The following NRG2 variants were observed in gnomAD, a reference collection of about 807,000 sequenced individuals.
The protein encoded by NRG2 is neuregulin 2.
Under a neutral mutation model 73.9 loss-of-function variants are expected in NRG2, and 27 were observed. The observed-to-expected ratio is 0.37, with a 90% CI of 0.27 to 0.50. The LOEUF (loss-of-function observed/expected upper bound fraction) is 0.50. Among genes scored for constraint, NRG2 ranks in the 20% least tolerant of loss-of-function variants. NRG2 has a pLI of 0.96. For missense variants in NRG2, 1,126 were observed against 1,210.1 expected, an observed-to-expected ratio of 0.93 and a Z score of 1.03; for synonymous variants, 532 against 541.0, an observed-to-expected ratio of 0.98 and a Z score of 0.23.
chr5:139,992,721 CA>C (rs1372802803), intron 1 of NRG2, among the ~76,000 whole-genome samples: 2 of 152,066 alleles, frequency 1.3e-5, no homozygotes. Flanking sequence ...TATTCTAAGC[CA>C]AACACCTTTG....
At chr5:140,028,308 TATA>T (rs1394142817) in intron 1 of NRG2, among the ~76,000 whole-genome samples, 9 of 152,358 alleles carry the variant, frequency 5.9e-5, no homozygotes, top group Admixed American at 1.3e-4. Flanking sequence ...TTTCTTGTAT[TATA>T]ATAAGTCTGA....
At position 139,847,940 on chromosome 5, in the gene NRG2, T is replaced by TGGCCCGCGGGGGC; in HGVS notation, c.2517_2529dup (p.Lys844AlafsTer56). On this transcript the variant is annotated frameshift_variant, in exon 10 of 10. Transcript: ENST00000361474. LOFTEE classifies it high-confidence loss of function. Reference sequence around the variant, plus strand: ...CCCTAGAGTGGCGCCGAGTCCTGCTTGGCCCGCGGGGGCGGCCCGCGGCTG... The same window carrying TGGCCCGCGGGGGC: ...CCCTAGAGTGGCGCCGAGTCCTGCTTGGCCCGCGGGGGCGGCCCGCGGGGGCGGCCCGCGGCTG... 2.7e-6 allele frequency: 4 copies of TGGCCCGCGGGGGC among 1,499,194 alleles called. No individual in the cohort carries two copies. Among genetic ancestry groups the TGGCCCGCGGGGGC allele is most frequent in the Non-Finnish European group, 3.5e-6 (4 of 1,129,844 alleles). 92.9% of individuals were successfully genotyped at this position (1,499,194 alleles called of 1,614,324 possible).
chr5:139,865,682 A>T lies in NRG2; in HGVS notation c.1113-57T>A. 1 of 1,469,576 alleles carries T rather than the reference A, an allele frequency of 6.8e-7. No homozygotes were observed. Among genetic ancestry groups the T allele is most frequent in the Non-Finnish European group, 9.4e-7 (1 of 1,064,850 alleles). 91.0% of individuals were successfully genotyped at this position (1,469,576 alleles called of 1,614,324 possible). On this transcript the variant is annotated intron_variant, in intron 4 of 9. Coordinates refer to ENST00000361474, the MANE Select transcript of NRG2 (RefSeq NM_004883.3). The surrounding 1 kb of genome is among the most constrained non-coding windows in gnomAD (Gnocchi z 5.2). ...CAAACTGGCATCATCCGCGAGGCTA[A>T]GGTTAGAAATCAAAGTGCACAGTGA...
At chr5:139,885,931 A>G (rs1054247271) in intron 2 of NRG2, among the ~76,000 whole-genome samples, 4 of 152,112 alleles carry the variant, frequency 2.6e-5, no homozygotes, top group African/African-American at 9.7e-5. Flanking sequence ...CCCCAGCTCC[A>G]AGAAGCCTGC....
At chr5:140,009,920 T>C (rs1355336292) in intron 1 of NRG2, among the ~76,000 whole-genome samples, 1 of 152,098 alleles carries the variant, frequency 6.6e-6, no homozygotes, top group African/African-American at 2.4e-5. Context: ...CTATGAAAAC[T>C]ATAAAAAGAT....
intron 4 of NRG2, among the ~76,000 whole-genome samples, chr5:139,871,477 C>A (rs1762845333): frequency 6.6e-6 from 1 of 152,106 alleles, no homozygotes; most frequent in South Asian, 2.1e-4. Flanking sequence ...AAAGGGTAGA[C>A]ATCAGGAGAT....
At chr5:139,991,004 G>A (rs756400155) in intron 1 of NRG2, among the ~76,000 whole-genome samples, 4 of 151,974 alleles carry the variant, frequency 2.6e-5, no homozygotes, top group Admixed American at 1.3e-4. Flanking sequence ...AGCAGGGCGC[G>A]GTGGCTCATG....
chr5:139,865,327 C>A lies in NRG2; in HGVS notation c.1189+222G>T. 1 of 765,194 alleles carries A rather than the reference C, an allele frequency of 1.3e-6. No homozygotes were observed. The allele number at this position is 765,194 out of a possible 1,614,324, so 47.4% of individuals were successfully genotyped here. Reference sequence around the variant, plus strand: ...GCCACTCTGCCCCTTACCTGCAGCCCTGAACTTTAAACCCAAGGATTAGGC... The same window carrying A: ...GCCACTCTGCCCCTTACCTGCAGCCATGAACTTTAAACCCAAGGATTAGGC... On this transcript the variant is annotated intron_variant, in intron 5 of 9. Transcript: ENST00000361474. This position sits in a 1 kb window ranked among gnomAD's most constrained non-coding sequence, Gnocchi z 5.2.
chr5:140,001,091 G>A (rs956835832), intron 1 of NRG2, among the ~76,000 whole-genome samples: 5 of 152,090 alleles, frequency 3.3e-5, no homozygotes, highest in African/African-American at 1.2e-4. Context: ...CCTGTGACAC[G>A]AAGCCTGCTG....
At chr5:139,961,277 G>A (rs568160350) in intron 1 of NRG2, among the ~76,000 whole-genome samples, 3 of 152,220 alleles carry the variant, frequency 2.0e-5, no homozygotes, top group African/African-American at 7.2e-5. Flanking sequence ...CCATGATCTA[G>A]GTTTCGGCAG....
At position 139,901,993 on chromosome 5, in the gene NRG2, T is replaced by C. The variant is rs567067017; in HGVS notation, c.701-14482A>G. Among the ~76,000 whole-genome samples the C allele has an allele frequency of 7.9e-5, 12 of 152,316 alleles. No homozygotes were observed. In the East Asian group the frequency reaches 1.9e-3, roughly 24 times the overall value. ...AGGCTTACGCTCTGCCCTTCTCATA[T>C]AGAAGGTGAGGGCTGAGCGTAGACT... On this transcript the variant is annotated intron_variant, in intron 1 of 9. Transcript: ENST00000361474.
At chr5:139,863,932 T>A (rs931409379) in intron 5 of NRG2, among the ~76,000 whole-genome samples, 8 of 152,176 alleles carry the variant, frequency 5.3e-5, no homozygotes, top group Admixed American at 5.2e-4. Context: ...TGCTGTGGTC[T>A]GAGGAGTACT....
At chr5:139,921,290 C>T (rs528279044) in intron 1 of NRG2, among the ~76,000 whole-genome samples, 73 of 152,220 alleles carry the variant, frequency 4.8e-4, no homozygotes, top group Non-Finnish European at 8.8e-4. Context: ...TCAAGAATAG[C>T]CAACTCAATA....
intron 1 of NRG2, among the ~76,000 whole-genome samples, chr5:139,909,708 G>A (rs1295013506): frequency 2.0e-5 from 3 of 152,192 alleles, no homozygotes; most frequent in Non-Finnish European, 4.4e-5. Flanking sequence ...GCCACTCCCT[G>A]CAGGACCAGA....
intron 5 of NRG2, among the ~76,000 whole-genome samples, chr5:139,860,392 G>A (rs942211900): frequency 2.0e-5 from 3 of 150,678 alleles, no homozygotes; most frequent in African/African-American, 7.4e-5. Context: ...TTTGTTCAGA[G>A]TGCAGGCATG....
In NRG2 at chr5:139,926,000, C is replaced by A. The variant is rs190665341; in HGVS notation, c.701-38489G>T. The stretch of plus-strand genomic sequence containing the variant: ...TATCTTATTTCCTTCCAACTCAGCC[C>A]CCTGCCACATGCACCCAGTAGATGC... On this transcript the variant is annotated intron_variant, in intron 1 of 9. Transcript: ENST00000361474. Among the ~76,000 whole-genome samples, 90 of 152,354 alleles carry A rather than the reference C, an allele frequency of 5.9e-4. 1 individual carries two copies. The East Asian group carries it at 0.016, about 26-fold the overall frequency.
At chr5:139,989,598 CAAT>C (rs1757419986) in intron 1 of NRG2, among the ~76,000 whole-genome samples, 1 of 151,696 alleles carries the variant, frequency 6.6e-6, no homozygotes, top group African/African-American at 2.4e-5. Flanking sequence ...CCGTGGCACG[CAAT>C]AATTTTTGCA....
rs547389996 is a variant in NRG2, at chr5:139,949,558, G to A, written c.701-62047C>T. Among the ~76,000 whole-genome samples the A allele has an allele frequency of 7.2e-5, 11 of 152,194 alleles. 1 individual carries two copies. The highest frequency in any genetic ancestry group is 2.1e-4 in the South Asian group (1 of 4,826). ...AATAATTAGAAACATTTTGATGTAC[G>A]TCTTGTCAGACTTCTGTACATATAT... On this transcript the variant is annotated intron_variant, in intron 1 of 9. Coordinates refer to ENST00000361474, the MANE Select transcript of NRG2 (RefSeq NM_004883.3).
rs762926051 is a variant in NRG2, at chr5:140,041,666, T to TAAAA, written c.700+700_700+703dup. Among the ~76,000 whole-genome samples, 544 of 91,966 alleles carry TAAAA rather than the reference T, an allele frequency of 5.9e-3. 4 individuals carry two copies. Among genetic ancestry groups the TAAAA allele is most frequent in the African/African-American group, 0.018 (499 of 26,988 alleles). The allele number at this position is 91,966 out of a possible 152,430, so 60.3% of individuals were successfully genotyped here. On this transcript the variant is annotated intron_variant, in intron 1 of 9. Transcript: ENST00000361474. ...ACCTTGTAATTCCCCCAGAAACAGCTAAAAAAAAAAAAAAAAAAAGGTGTC... is the reference window on the plus strand; with the variant it reads ...ACCTTGTAATTCCCCCAGAAACAGCTAAAAAAAAAAAAAAAAAAAAAAAGGTGTC...
Sources: allele counts gnomAD v4.1 joint callset (sites outside exome capture counted in the v4.1 genomes callset), GRCh38; gene constraint gnomAD v4.1.1; non-coding constraint Gnocchi (gnomAD v3.1); transcripts MANE v1.5; gene names NCBI Gene and HGNC (gene_info 2026-07-23, HGNC 2026-07-21).